TPTE2: variants seen among roughly 807,000 people sequenced by gnomAD.
The protein encoded by TPTE2 is transmembrane phosphoinositide 3-phosphatase and tensin homolog 2.
In TPTE2, 53 loss-of-function variants were observed where a neutral mutation model predicts 78.6. The ratio of observed to expected loss-of-function variants is 0.67; its 90% CI spans 0.54 to 0.85. TPTE2 has a LOEUF of 0.85. TPTE2 is among the 40% of genes least tolerant of loss of function. The pLI, the probability that TPTE2 is intolerant of heterozygous loss-of-function variation, is 0.00. For synonymous variants in TPTE2, 175 were observed against 206.2 expected (o/e 0.85, Z 1.30); for missense variants, 461 against 623.0 (o/e 0.74, Z 2.77).
At chr13:19,497,822 G>T (rs1378985878) in intron 1 of TPTE2, among the ~76,000 whole-genome samples, 1 of 151,076 alleles carries the variant, frequency 6.6e-6, no homozygotes, top group East Asian at 2.0e-4. Flanking sequence ...CAAGCTGAGA[G>T]AAGAAGGCTT....
intron 1 of TPTE2, among the ~76,000 whole-genome samples, chr13:19,530,346 A>AAGT (rs1438523535): frequency 6.6e-6 from 1 of 152,204 alleles, no homozygotes; most frequent in Non-Finnish European, 1.5e-5. Flanking sequence ...AGATGACGGT[A>AAGT]AGTACCCATG....
intron 16 of TPTE2, among the ~76,000 whole-genome samples, chr13:19,431,423 G>A (rs1469903423): frequency 5.9e-5 from 9 of 151,906 alleles, no homozygotes; most frequent in Non-Finnish European, 8.8e-5. Flanking sequence ...TTTCCTCAAA[G>A]ACTTGGTTTC....
chr13:19,507,533 A>G (rs1464344162), upstream of TPTE2, among the ~76,000 whole-genome samples: 1 of 152,102 alleles, frequency 6.6e-6, no homozygotes, highest in Non-Finnish European at 1.5e-5. Flanking sequence ...AACCAGAGAG[A>G]TTGTCTCCTC....
At chr13:19,547,087 CAA>C in the TPTE2 span, among the ~76,000 whole-genome samples, 1 of 142,900 alleles carries the variant, frequency 7.0e-6, no homozygotes, top group Non-Finnish European at 1.5e-5. Context: ...TAAAAGTTAC[CAA>C]AAAAAAAAAA....
exon 20 of TPTE2, chr13:19,423,122 T>C (rs1875727845): frequency 6.2e-7 from 1 of 1,611,920 alleles, no homozygotes; most frequent in South Asian, 1.1e-5. Context: ...TCCATGCTTT[T>C]TGTTTATGTG....
chr13:19,456,574 TATC>T (rs1224565239), intron 10 of TPTE2, among the ~76,000 whole-genome samples: 2 of 152,122 alleles, frequency 1.3e-5, no homozygotes, highest in African/African-American at 2.4e-5. Context: ...CACAAAAACT[TATC>T]AACTACATAG....
At chr13:19,491,373 T>A (rs1470642868) in intron 3 of TPTE2, among the ~76,000 whole-genome samples, 1 of 152,184 alleles carries the variant, frequency 6.6e-6, no homozygotes, top group Non-Finnish European at 1.5e-5. Context: ...AGATTTTCCA[T>A]AAATATGAAA....
rs149959289 is a variant in TPTE2 at position 19,464,668 on chromosome 13, A to G, written c.677-148T>C. Reference sequence around the variant, plus strand: ...ACAGAAAAGAGCTAATACTCAGGATAATCAAATAACATATTAAATTATCCA... The same window carrying G: ...ACAGAAAAGAGCTAATACTCAGGATGATCAAATAACATATTAAATTATCCA... On this transcript the variant is annotated intron_variant, in intron 9 of 19. Coordinates refer to ENST00000400230, the Ensembl canonical transcript of TPTE2. The G allele has an allele frequency of 1.4e-4, 111 of 803,994 alleles. No homozygotes were observed. The African/African-American group carries it at 1.7e-3, about 12-fold the overall frequency. 49.8% of individuals were successfully genotyped at this position (803,994 alleles called of 1,614,324 possible).
intron 18 of TPTE2, chr13:19,426,162 T>A: frequency 2.8e-6 from 1 of 355,006 alleles, no homozygotes; most frequent in Non-Finnish European, 5.3e-6. Flanking sequence ...GGCTTTTACT[T>A]TTTTTGTGTT....
intron 1 of TPTE2, chr13:19,493,722 C>T (rs1247910501): frequency 3.2e-5 from 19 of 586,538 alleles, no homozygotes; most frequent in East Asian, 2.7e-4. Context: ...TAATGCTTCC[C>T]GATTTAAGTA....
rs572559653 is a variant in TPTE2, at chr13:19,495,863, G to T, written c.12-2362C>A. ...TTGTTTTGTTTTTTTTGTTGTTGTTGTTTGTTGCTGTTGTTTGTTTTTTGA... is the reference window on the plus strand; with the variant it reads ...TTGTTTTGTTTTTTTTGTTGTTGTTTTTTGTTGCTGTTGTTTGTTTTTTGA... On this transcript the variant is annotated intron_variant, in intron 1 of 19. Coordinates refer to ENST00000400230, the Ensembl canonical transcript of TPTE2. Among the ~76,000 whole-genome samples the T allele has an allele frequency of 2.0e-5, 3 of 152,024 alleles. No homozygotes were observed. The South Asian group carries it at 6.2e-4, about 32-fold the overall frequency.
chr13:19,441,000 T>A (rs574635025), intron 13 of TPTE2, among the ~76,000 whole-genome samples: 39 of 151,234 alleles, frequency 2.6e-4, no homozygotes, highest in Non-Finnish European at 4.3e-4. Context: ...GCCAGGAGAA[T>A]CACTTGAACC....
the TPTE2 span, among the ~76,000 whole-genome samples, chr13:19,545,003 G>T: frequency 6.6e-6 from 1 of 151,338 alleles, no homozygotes; most frequent in East Asian, 1.9e-4. Context: ...GACTTAAACT[G>T]TGGCAAACTG....
intron 1 of TPTE2, among the ~76,000 whole-genome samples, chr13:19,512,666 C>A (rs1347463009): frequency 6.6e-6 from 1 of 152,004 alleles, no homozygotes; most frequent in Non-Finnish European, 1.5e-5. Flanking sequence ...GCAACCTCTG[C>A]CTCCTGGATT....
chr13:19,462,650 C>A lies in TPTE2; in HGVS notation c.741+1806G>T, dbSNP rs138588597. Among the ~76,000 whole-genome samples the A allele has an allele frequency of 4.6e-5, 7 of 150,772 alleles. No homozygotes were observed. In the East Asian group the frequency reaches 1.4e-3, roughly 30 times the overall value. On this transcript the variant is annotated intron_variant, in intron 10 of 19. Coordinates refer to ENST00000400230, the Ensembl canonical transcript of TPTE2. ...CTCCACCTCCTGGGTTTAAGCAATT[C>A]TCGTGATTTAGCCTCCCAAGTAACT...
intron 1 of TPTE2, among the ~76,000 whole-genome samples, chr13:19,496,435 A>G (rs1351101862): frequency 6.6e-6 from 1 of 152,094 alleles, no homozygotes; most frequent in Non-Finnish European, 1.5e-5. Context: ...AATCCCAACT[A>G]TGGCCCACTT....
At chr13:19,438,892 T>C (rs1303263129) in intron 13 of TPTE2, among the ~76,000 whole-genome samples, 1 of 152,096 alleles carries the variant, frequency 6.6e-6, no homozygotes, top group African/African-American at 2.4e-5. Context: ...CCTCAGGGTG[T>C]GAGAGAGGCA....
intron 13 of TPTE2, among the ~76,000 whole-genome samples, chr13:19,449,466 A>C (rs564627175): frequency 2.6e-5 from 4 of 152,298 alleles, no homozygotes; most frequent in Admixed American, 2.6e-4. Flanking sequence ...AGGATGCAAA[A>C]TTTCAGTTAG....
intron 10 of TPTE2, among the ~76,000 whole-genome samples, chr13:19,457,903 A>G (rs1422153987): frequency 2.0e-5 from 3 of 152,206 alleles, no homozygotes; most frequent in African/African-American, 7.2e-5. Context: ...CAAAAATACA[A>G]AGAAGACATT....
Sources: allele counts gnomAD v4.1 joint callset (sites outside exome capture counted in the v4.1 genomes callset), GRCh38; gene constraint gnomAD v4.1.1; transcripts MANE v1.5; gene names NCBI Gene and HGNC (gene_info 2026-07-23, HGNC 2026-07-21).